ATF7IP: variants seen among roughly 807,000 people sequenced by gnomAD.
ATF7IP encodes the protein activating transcription factor 7-interacting protein 1.
In ATF7IP, 23 loss-of-function variants were observed where a neutral mutation model predicts 106.4. The ratio of observed to expected loss-of-function variants is 0.22; its 90% CI spans 0.16 to 0.31. The LOEUF (loss-of-function observed/expected upper bound fraction) is 0.31. ATF7IP is among the 10% of genes least tolerant of loss of function. The pLI is 1.00. For synonymous variants in ATF7IP, 542 were observed against 539.0 expected, an observed-to-expected ratio of 1.01 and a Z score of -0.08; for missense variants, 1,334 against 1,524.3, an observed-to-expected ratio of 0.88 and a Z score of 2.08.
At chr12:14,442,285 A>G (rs1942749307) in intron 5 of ATF7IP, among the ~76,000 whole-genome samples, 1 of 152,248 alleles carries the variant, frequency 6.6e-6, no homozygotes, top group African/African-American at 2.4e-5. Context: ...ATACAAAATC[A>G]AATATCATTA....
chr12:14,451,891 A>G (rs189383993), intron 6 of ATF7IP, among the ~76,000 whole-genome samples: 37 of 152,266 alleles, frequency 2.4e-4, no homozygotes, highest in African/African-American at 7.0e-4. Flanking sequence ...TAGTGTTGTT[A>G]AAGTTCTCTG....
intron 1 of ATF7IP, among the ~76,000 whole-genome samples, chr12:14,412,538 T>C (rs1183954960): frequency 2.6e-5 from 4 of 152,168 alleles, no homozygotes; most frequent in Admixed American, 2.0e-4. Context: ...TGAGATTGTT[T>C]TATTTTTGGA....
chr12:14,465,832 CAGAA>C (rs1327855694), intron 9 of ATF7IP, among the ~76,000 whole-genome samples: 4 of 151,976 alleles, frequency 2.6e-5, no homozygotes, highest in Non-Finnish European at 5.9e-5. Flanking sequence ...GTTTTATCTC[CAGAA>C]AGAAAGGATG....
intron 6 of ATF7IP, among the ~76,000 whole-genome samples, chr12:14,453,123 C>T (rs1422581744): frequency 6.6e-6 from 1 of 152,138 alleles, no homozygotes; most frequent in Non-Finnish European, 1.5e-5. Context: ...TTTTCTCTTA[C>T]TGCTTTCAAG....
At chr12:14,482,664 C>G (rs1455731459) in intron 13 of ATF7IP, 2 of 152,170 alleles carry the variant, frequency 1.3e-5, no homozygotes, top group Admixed American at 1.3e-4. Flanking sequence ...AGCCCACTGA[C>G]TCAAATGTTA....
chr12:14,474,462 G>A (rs1226299120), intron 10 of ATF7IP, among the ~76,000 whole-genome samples: 3 of 149,184 alleles, frequency 2.0e-5, no homozygotes, highest in Non-Finnish European at 4.4e-5. Context: ...GTGCAGTCGC[G>A]CAATCTCAGC....
chr12:14,467,103 C>T (rs1943862081), intron 10 of ATF7IP, among the ~76,000 whole-genome samples: 1 of 152,002 alleles, frequency 6.6e-6, no homozygotes, highest in African/African-American at 2.4e-5. Flanking sequence ...AAATCTTAAC[C>T]ACCCGGTAAT....
At chr12:14,455,273 C>T (rs565051474) in intron 6 of ATF7IP, among the ~76,000 whole-genome samples, 31 of 151,218 alleles carry the variant, frequency 2.1e-4, no homozygotes, top group African/African-American at 7.3e-4. Context: ...TTTGCATTCG[C>T]CTTACACAGT....
chr12:14,459,564 T>C (rs1287205694), intron 8 of ATF7IP, among the ~76,000 whole-genome samples: 1 of 152,218 alleles, frequency 6.6e-6, no homozygotes, highest in Non-Finnish European at 1.5e-5. Flanking sequence ...TTTGCTCCAT[T>C]GGTGCTAATG....
chr12:14,402,111 TTTTCTTTTCTTC>T (rs1940257747), intron 1 of ATF7IP, among the ~76,000 whole-genome samples: 3 of 147,136 alleles, frequency 2.0e-5, no homozygotes, highest in Non-Finnish European at 3.0e-5. Flanking sequence ...TCTCTTTTTC[TTTTCTTTTCTTC>T]TTTCTTTTTT....
intron 1 of ATF7IP, among the ~76,000 whole-genome samples, chr12:14,413,038 A>T (rs1941007147): frequency 6.6e-6 from 1 of 152,162 alleles, no homozygotes; most frequent in South Asian, 2.1e-4. Flanking sequence ...AAGTTGTTTG[A>T]CTTTTATTTC....
At chr12:14,413,781 T>C (rs74958896) in intron 1 of ATF7IP, among the ~76,000 whole-genome samples, 6 of 152,182 alleles carry the variant, frequency 3.9e-5, no homozygotes, top group African/African-American at 1.2e-4. Context: ...GGGTTTTTTT[T>C]CAAGGTGTTA....
At chr12:14,410,740 G>A (rs1255809430) in intron 1 of ATF7IP, among the ~76,000 whole-genome samples, 2 of 149,276 alleles carry the variant, frequency 1.3e-5, no homozygotes, top group Non-Finnish European at 3.0e-5. Flanking sequence ...TAATTTATAA[G>A]TTAAATGTAT....
chr12:14,396,375 C>T (rs1939842245), intron 1 of ATF7IP, among the ~76,000 whole-genome samples: 1 of 151,946 alleles, frequency 6.6e-6, no homozygotes, highest in African/African-American at 2.4e-5. Flanking sequence ...AGAAGCCATA[C>T]TCATGTTTCA....
chr12:14,445,225 G>T (rs2136657463), intron 5 of ATF7IP, among the ~76,000 whole-genome samples: 1 of 152,078 alleles, frequency 6.6e-6, no homozygotes, highest in African/African-American at 2.4e-5. Flanking sequence ...TCCAGACCTT[G>T]TGATCCACCT....
chr12:14,371,122 C>G (rs1938518147), intron 1 of ATF7IP, among the ~76,000 whole-genome samples: 1 of 151,764 alleles, frequency 6.6e-6, no homozygotes. Context: ...AAAAGATTAT[C>G]TTGATTAATA....
intron 6 of ATF7IP, among the ~76,000 whole-genome samples, chr12:14,453,985 C>CT (rs1943314757): frequency 6.6e-6 from 1 of 152,096 alleles, no homozygotes; most frequent in Admixed American, 6.5e-5. Context: ...CTCTCTGTTA[C>CT]TTTAGGGTTG....
At position 14,497,889 on chromosome 12, in the gene ATF7IP, C is replaced by T. The variant is rs1195292322; in HGVS notation, c.3629C>T (p.Pro1210Leu). The T allele has an allele frequency of 6.2e-7, 1 of 1,614,160 alleles. No homozygotes were observed. Among genetic ancestry groups the T allele is most frequent in the Non-Finnish European group, 8.5e-7 (1 of 1,180,020 alleles). ...AYHEEPSATV[P>L]SQWKKIGEVK... ...CATGAGGAACCCAGTGCCACTGTGC[C>T]CTCACAATGGAAAAAGATTGGGGAA... Residue 1210 changes from proline (P) to leucine (L), a missense_variant, in exon 15 of 15, where the codon CCC becomes CTC. Transcript: ENST00000261168.
intron 1 of ATF7IP, among the ~76,000 whole-genome samples, chr12:14,393,667 T>C (rs1266268120): frequency 6.6e-6 from 1 of 152,120 alleles, no homozygotes; most frequent in African/African-American, 2.4e-5. Flanking sequence ...GATTTAAAAA[T>C]ATGGAAAATA....
Sources: gnomAD v4.1 joint callset for allele counts (sites outside exome capture counted in the v4.1 genomes callset) on GRCh38, gnomAD v4.1.1 for gene constraint, MANE v1.5 for transcripts, NCBI Gene and HGNC (gene_info 2026-07-23, HGNC 2026-07-21) for gene names.